The following GIGYF2 variants were observed in gnomAD, a reference collection of about 807,000 sequenced individuals.
GIGYF2 encodes GRB10 interacting GYF protein 2.
In GIGYF2, 25 loss-of-function variants were observed where a neutral mutation model predicts 208.1. That is an observed-to-expected ratio of 0.12 (90% CI 0.09 to 0.17). GIGYF2 has a LOEUF of 0.17. GIGYF2 is among the 10% of genes least tolerant of loss of function. GIGYF2 has a pLI of 1.00. For synonymous variants in GIGYF2, 534 were observed against 543.8 expected (o/e 0.98, Z 0.25); for missense variants, 1,302 against 1,579.4 (o/e 0.82, Z 2.98).
intron 2 of GIGYF2, 125 bp downstream of exon 2, chr2:232,703,614 TC>T (rs2106243009): frequency 1.3e-5 from 2 of 152,774 alleles, no homozygotes; most frequent in African/African-American, 4.8e-5. Context: ...AGAAACTTCT[TC>T]CCTGGTGCCT....
intron 8 of GIGYF2, among the ~76,000 whole-genome samples, chr2:232,770,728 A>G (rs113733422): frequency 6.6e-6 from 1 of 150,938 alleles, no homozygotes; most frequent in Non-Finnish European, 1.5e-5. Context: ...CATTTCTCCT[A>G]TTTTTTTTGG....
At chr2:232,735,345 T>C in intron 3 of GIGYF2, 107 bp downstream of exon 3, 1 of 781,408 alleles carries the variant, frequency 1.3e-6, no homozygotes, top group East Asian at 2.6e-5. Flanking sequence ...TTGAAACTTT[T>C]GCTTTATGTG....
In GIGYF2 at chr2:232,814,562, CAA is replaced by C. The variant is rs1374049435; in HGVS notation, c.2108-1073_2108-1072del. Among the ~76,000 whole-genome samples the C allele has an allele frequency of 4.6e-4, 32 of 69,368 alleles. 1 individual carries two copies. The highest frequency in any genetic ancestry group is 7.0e-4 in the Non-Finnish European group (24 of 34,478). The allele number at this position is 69,368 out of a possible 152,430, so 45.5% of individuals were successfully genotyped here. ...TGGGTGACAGAGTGAGACTCCACCTCAAACCCCCCCCCCCCAAAAAAAAAGTA... is the reference window on the plus strand; with the variant it reads ...TGGGTGACAGAGTGAGACTCCACCTCACCCCCCCCCCCCAAAAAAAAAGTA... On this transcript the variant is annotated intron_variant, in intron 18 of 28. Transcript: ENST00000373563.
chr2:232,707,511 A>G (rs1432144490), intron 2 of GIGYF2, among the ~76,000 whole-genome samples: 1 of 152,158 alleles, frequency 6.6e-6, no homozygotes, highest in Non-Finnish European at 1.5e-5. Context: ...TGCTCAAACC[A>G]TGACCAGATG....
At chr2:232,818,800 A>G (rs1700989110) in intron 20 of GIGYF2, among the ~76,000 whole-genome samples, 1 of 152,080 alleles carries the variant, frequency 6.6e-6, no homozygotes, top group African/African-American at 2.4e-5. Flanking sequence ...GCTGTATTAA[A>G]TTTCATTTTA....
chr2:232,762,484 C>G (rs1351545823), intron 8 of GIGYF2, among the ~76,000 whole-genome samples: 1 of 151,952 alleles, frequency 6.6e-6, no homozygotes, highest in Non-Finnish European at 1.5e-5. Flanking sequence ...AACTCCTGAC[C>G]TCGTGATCCA....
At chr2:232,835,683 T>TCCTCC (rs1201045529) in intron 22 of GIGYF2, among the ~76,000 whole-genome samples, 1 of 152,150 alleles carries the variant, frequency 6.6e-6, no homozygotes, top group Non-Finnish European at 1.5e-5. Flanking sequence ...AGTTCTCCCC[T>TCCTCC]CCTCCCCCCG....
intron 22 of GIGYF2, among the ~76,000 whole-genome samples, chr2:232,835,510 A>G (rs1701556414): frequency 6.6e-6 from 1 of 152,008 alleles, no homozygotes; most frequent in Non-Finnish European, 1.5e-5. Context: ...TATGGGTTAT[A>G]CTTTCCTGTT....
chr2:232,801,573 C>T (rs1263159886), intron 14 of GIGYF2, among the ~76,000 whole-genome samples: 1 of 152,160 alleles, frequency 6.6e-6, no homozygotes, highest in Non-Finnish European at 1.5e-5. Context: ...TTTAAATACG[C>T]ATACATATTA....
intron 1 of GIGYF2, among the ~76,000 whole-genome samples, chr2:232,699,127 GT>G (rs1695735391): frequency 6.6e-5 from 10 of 152,208 alleles, no homozygotes; most frequent in Admixed American, 6.5e-4. Flanking sequence ...TTAATTTTAA[GT>G]GCCCTGAGAA....
At chr2:232,838,721 T>G (rs137965594) in intron 22 of GIGYF2, among the ~76,000 whole-genome samples, 5 of 152,202 alleles carry the variant, frequency 3.3e-5, no homozygotes, top group Non-Finnish European at 5.9e-5. Flanking sequence ...TGCCTTCAAA[T>G]GAGTCATTTC....
chr2:232,732,119 A>C (rs1697527465), intron 2 of GIGYF2, among the ~76,000 whole-genome samples: 1 of 152,166 alleles, frequency 6.6e-6, no homozygotes, highest in Admixed American at 6.5e-5. Flanking sequence ...TTGGTGATGC[A>C]GTAGTTAAGG....
chr2:232,824,177 A>G (rs1293838945), intron 21 of GIGYF2, among the ~76,000 whole-genome samples: 1 of 151,320 alleles, frequency 6.6e-6, no homozygotes, highest in African/African-American at 2.5e-5. Context: ...AATTAGGCCA[A>G]TTGGATAACC....
intron 6 of GIGYF2, among the ~76,000 whole-genome samples, chr2:232,758,516 G>A (rs1698628337): frequency 6.6e-6 from 1 of 152,090 alleles, no homozygotes; most frequent in African/African-American, 2.4e-5. Flanking sequence ...GGTTCATCAT[G>A]TTATATTTAC....
At chr2:232,735,292 A>G in intron 3 of GIGYF2, 54 bp downstream of exon 3, 1 of 1,273,944 alleles carries the variant, frequency 7.8e-7, no homozygotes, top group Non-Finnish European at 1.1e-6. Context: ...TACAGTAGTA[A>G]AGTATTTGAC....
At chr2:232,720,514 A>C (rs1696884271) in intron 2 of GIGYF2, among the ~76,000 whole-genome samples, 1 of 151,920 alleles carries the variant, frequency 6.6e-6, no homozygotes, top group African/African-American at 2.4e-5. Context: ...AGGAACTGCC[A>C]CACTGTCTTC....
intron 8 of GIGYF2, among the ~76,000 whole-genome samples, chr2:232,773,989 C>T (rs892661055): frequency 2.0e-5 from 3 of 147,726 alleles, no homozygotes; most frequent in Non-Finnish European, 4.5e-5. Context: ...TTACAGATAA[C>T]GAAAGTGAGG....
intron 8 of GIGYF2, chr2:232,776,320 C>A: frequency 2.9e-6 from 2 of 691,526 alleles, no homozygotes; most frequent in South Asian, 1.8e-5. Flanking sequence ...CTATCCTACA[C>A]TATAGATAAT....
chr2:232,794,764 C>G lies in GIGYF2; in HGVS notation c.1299C>G (p.Val433=). 1.2e-6 allele frequency: 2 copies of G among 1,612,738 alleles called. No individual in the cohort carries two copies. Among genetic ancestry groups the G allele is most frequent in the Non-Finnish European group, 1.7e-6 (2 of 1,178,826 alleles). ...TCCCCCTAGAAATGGTTGCTGATGT[C>G]CAGCAGCCCCTGTCGCAGATTCCTT... ...PSRGDEMVAD[V]QQPLSQIPSD... The change falls in exon 13 of 29, where the codon GTC becomes GTG. Residue 433 remains valine (V), a synonymous_variant. Coordinates refer to ENST00000373563, the MANE Select transcript of GIGYF2 (RefSeq NM_001103146.3).
Sources: gnomAD v4.1 joint callset for allele counts (sites outside exome capture counted in the v4.1 genomes callset) on GRCh38, gnomAD v4.1.1 for gene constraint, MANE v1.5 for transcripts, NCBI Gene and HGNC (gene_info 2026-07-23, HGNC 2026-07-21) for gene names.